The following CNTN5 variants were observed in gnomAD, a reference collection of about 807,000 sequenced individuals.
The protein encoded by CNTN5 is contactin-5.
Under a neutral mutation model 129.1 loss-of-function variants are expected in CNTN5, and 77 were observed. The ratio of observed to expected loss-of-function variants is 0.60; its 90% CI spans 0.50 to 0.72. CNTN5 has a LOEUF of 0.72. Ranked by LOEUF, CNTN5 falls within the 30% of genes least tolerant of loss-of-function variation. The pLI is 0.00. For synonymous variants in CNTN5, 509 were observed against 465.6 expected (o/e 1.09, Z -1.20); for missense variants, 1,478 against 1,328.8 (o/e 1.11, Z -1.75).
At chr11:99,767,168 A>G (rs1251055776) in intron 3 of CNTN5, among the ~76,000 whole-genome samples, 1 of 151,932 alleles carries the variant, frequency 6.6e-6, no homozygotes, top group Non-Finnish European at 1.5e-5. Context: ...CTGTTTATTT[A>G]TTTATTCTGC....
intron 21 of CNTN5, among the ~76,000 whole-genome samples, chr11:100,329,157 G>GT (rs1439390296): frequency 1.3e-5 from 2 of 152,076 alleles, no homozygotes; most frequent in Non-Finnish European, 2.9e-5. Flanking sequence ...TTACTGCTGG[G>GT]TTTTCCCTAC....
At chr11:100,254,711 T>C (rs777696948) in intron 16 of CNTN5, among the ~76,000 whole-genome samples, 1 of 152,228 alleles carries the variant, frequency 6.6e-6, no homozygotes, top group Non-Finnish European at 1.5e-5. Flanking sequence ...CACCAACTCC[T>C]CCATCTGTTC....
At chr11:99,580,604 T>C (rs1204820982) in intron 3 of CNTN5, among the ~76,000 whole-genome samples, 1 of 152,256 alleles carries the variant, frequency 6.6e-6, no homozygotes, top group Non-Finnish European at 1.5e-5. Context: ...CTAGATTTTC[T>C]AGTTTATTTG....
At chr11:99,820,337 G>A (rs116708588) in intron 4 of CNTN5, among the ~76,000 whole-genome samples, 2,692 of 151,996 alleles carry the variant, frequency 0.018, 1 homozygote, top group African/African-American at 0.061. Flanking sequence ...TCAATCCAGT[G>A]GTTTTATTTC....
chr11:99,370,730 G>A (rs1364436461), intron 2 of CNTN5, among the ~76,000 whole-genome samples: 2 of 152,162 alleles, frequency 1.3e-5, no homozygotes, highest in African/African-American at 4.8e-5. Context: ...GCTACTCTCT[G>A]TCACAATTTA....
chr11:99,032,231 G>A (rs1178093714), intron 1 of CNTN5, among the ~76,000 whole-genome samples: 2 of 151,972 alleles, frequency 1.3e-5, no homozygotes, highest in Non-Finnish European at 2.9e-5. Context: ...AAGCATACGT[G>A]TGCATGTGTC....
intron 17 of CNTN5, among the ~76,000 whole-genome samples, chr11:100,269,371 A>T (rs1175962010): frequency 6.6e-6 from 1 of 152,218 alleles, no homozygotes; most frequent in African/African-American, 2.4e-5. Context: ...TAGCACAAAC[A>T]GTTCTCAAAA....
chr11:100,053,709 T>G (rs905144939), intron 9 of CNTN5, among the ~76,000 whole-genome samples: 2 of 151,730 alleles, frequency 1.3e-5, no homozygotes, highest in Admixed American at 6.6e-5. Flanking sequence ...ATTCTAGAAT[T>G]TCTATGCTTT....
intron 7 of CNTN5, among the ~76,000 whole-genome samples, 161 bp from the exon 8 acceptor site, chr11:99,956,645 A>G (rs1356079028): frequency 6.6e-6 from 1 of 152,232 alleles, no homozygotes; most frequent in Non-Finnish European, 1.5e-5. Flanking sequence ...GTCATTAACA[A>G]TAATCCTTTG....
chr11:100,012,373 G>A (rs1940584577), intron 9 of CNTN5, among the ~76,000 whole-genome samples: 1 of 152,140 alleles, frequency 6.6e-6, no homozygotes, highest in Non-Finnish European at 1.5e-5. Context: ...TCAGGCTAAT[G>A]TTTTGATGCA....
At chr11:99,977,936 T>G (rs2137340348) in intron 8 of CNTN5, among the ~76,000 whole-genome samples, 1 of 152,356 alleles carries the variant, frequency 6.6e-6, no homozygotes, top group African/African-American at 2.4e-5. Context: ...AGAATTTCAG[T>G]GCAGTAATTT....
Position 99,570,656 on chromosome 11 carries a change from A to G in CNTN5, c.55+14387A>G, listed in dbSNP as rs1949147919. On this transcript the variant is annotated intron_variant, in intron 3 of 24. Transcript: ENST00000524871. ...TGCTAAGGCTATAGGAGTGAACAAG[A>G]CAGGCAAAATCCCTGTCTTTCTGGA... 3.3e-5 allele frequency among the ~76,000 whole-genome samples: 5 copies of G among 152,204 alleles called. No homozygotes were observed. In the South Asian group the frequency reaches 1.0e-3, roughly 32 times the overall value.
chr11:99,150,181 A>G (rs1241251753), intron 1 of CNTN5, among the ~76,000 whole-genome samples: 1 of 152,086 alleles, frequency 6.6e-6, no homozygotes, highest in African/African-American at 2.4e-5. Context: ...CAAAGTTTAT[A>G]CACTAAATAT....
intron 3 of CNTN5, among the ~76,000 whole-genome samples, chr11:99,665,322 C>G (rs1476440349): frequency 6.6e-6 from 1 of 151,846 alleles, no homozygotes; most frequent in Non-Finnish European, 1.5e-5. Context: ...AGGAAAATGT[C>G]TGGGCATTTT....
At chr11:99,132,831 A>C (rs1370998351) in intron 1 of CNTN5, among the ~76,000 whole-genome samples, 1 of 152,236 alleles carries the variant, frequency 6.6e-6, no homozygotes, top group Non-Finnish European at 1.5e-5. Flanking sequence ...CATATTGCCC[A>C]AAGCAATTAA....
intron 1 of CNTN5, among the ~76,000 whole-genome samples, chr11:99,230,234 G>A (rs1252322921): frequency 6.6e-6 from 1 of 151,990 alleles, no homozygotes; most frequent in African/African-American, 2.4e-5. Flanking sequence ...CAGGTCCCCA[G>A]TCATGCTTGC....
At chr11:99,076,099 C>T (rs1865555748) in intron 1 of CNTN5, among the ~76,000 whole-genome samples, 1 of 152,016 alleles carries the variant, frequency 6.6e-6, no homozygotes, top group African/African-American at 2.4e-5. Context: ...TTTTGGAGGC[C>T]GAGGTGGGCG....
At chr11:100,323,639 C>A (rs1468690188) in intron 21 of CNTN5, among the ~76,000 whole-genome samples, 4 of 128,338 alleles carry the variant, frequency 3.1e-5, no homozygotes, top group Admixed American at 8.3e-5. Context: ...GTCCTCCTCC[C>A]CCCCCCTTCT....
intron 7 of CNTN5, among the ~76,000 whole-genome samples, chr11:99,941,082 C>A (rs1950424759): frequency 6.6e-6 from 1 of 152,028 alleles, no homozygotes; most frequent in Non-Finnish European, 1.5e-5. Flanking sequence ...CATTAATTTT[C>A]TCTCCCACTT....
Sources: gnomAD v4.1 joint callset for allele counts (sites outside exome capture counted in the v4.1 genomes callset) on GRCh38, gnomAD v4.1.1 for gene constraint, MANE v1.5 for transcripts, NCBI Gene and HGNC (gene_info 2026-07-23, HGNC 2026-07-21) for gene names.